The following UST variants were observed in gnomAD, a reference collection of about 807,000 sequenced individuals.
UST encodes chondroitin sulfate 2-O-sulfotransferase.
A neutral mutation model predicts 45.6 loss-of-function variants in UST; 21 were observed. The ratio of observed to expected loss-of-function variants is 0.46; its 90% CI spans 0.33 to 0.66. The LOEUF is 0.66. Ranked by LOEUF, UST falls within the 30% of genes least tolerant of loss-of-function variation. UST has a pLI of 0.02. For synonymous variants in UST, 215 were observed against 200.6 expected, an observed-to-expected ratio of 1.07 and a Z score of -0.61; for missense variants, 463 against 512.4, an observed-to-expected ratio of 0.90 and a Z score of 0.93.
intron 2 of UST, among the ~76,000 whole-genome samples, chr6:148,890,315 G>A (rs2114847971): frequency 6.6e-6 from 1 of 152,264 alleles, no homozygotes; most frequent in East Asian, 1.9e-4. Flanking sequence ...GGGCCTCAGT[G>A]GTTTAGGTCT....
chr6:148,756,277 A>G (rs758583228), intron 1 of UST, among the ~76,000 whole-genome samples: 7 of 152,100 alleles, frequency 4.6e-5, no homozygotes, highest in Non-Finnish European at 2.9e-5. Context: ...CCATGAGAAG[A>G]AGGATGTGTT....
chr6:149,020,224 G>A (rs542996462), intron 6 of UST, among the ~76,000 whole-genome samples: 44 of 152,304 alleles, frequency 2.9e-4, no homozygotes, highest in African/African-American at 1.1e-3. Context: ...TAACAAAAGA[G>A]TTTGCTTATA....
chr6:148,830,460 C>T (rs1279304974), intron 1 of UST, among the ~76,000 whole-genome samples: 2 of 152,148 alleles, frequency 1.3e-5, no homozygotes, highest in Non-Finnish European at 2.9e-5. Context: ...AGGGTCTTGC[C>T]GCATCGTTTC....
At chr6:148,849,844 A>C (rs901657773) in intron 1 of UST, among the ~76,000 whole-genome samples, 3 of 152,280 alleles carry the variant, frequency 2.0e-5, no homozygotes, top group Admixed American at 1.3e-4. Context: ...ACAGAGCCAA[A>C]CCGTATCAGA....
chr6:148,791,308 G>C (rs1427106623), intron 1 of UST, among the ~76,000 whole-genome samples: 1 of 152,094 alleles, frequency 6.6e-6, no homozygotes, highest in East Asian at 1.9e-4. Context: ...GATGAGCATT[G>C]GTCACCAAGA....
intron 1 of UST, among the ~76,000 whole-genome samples, 177 bp downstream of exon 1, chr6:148,747,854 C>A (rs1474199035): frequency 6.6e-6 from 1 of 152,168 alleles, no homozygotes; most frequent in African/African-American, 2.4e-5. Context: ...CTTCCTCCCG[C>A]GCGTCCGACT....
At chr6:148,783,781 C>T (rs145727446) in intron 1 of UST, among the ~76,000 whole-genome samples, 62 of 152,266 alleles carry the variant, frequency 4.1e-4, no homozygotes, top group African/African-American at 1.4e-3. Flanking sequence ...CCTTCTAATT[C>T]CTAGTCTGCC....
rs1382349931 is a variant in UST at position 148,878,499 on chromosome 6, TGTGTATGAGTGCGGGGATC to T, written c.248-8470_248-8452del. On this transcript the variant is annotated intron_variant, in intron 1 of 7. Coordinates refer to ENST00000367463, the MANE Select transcript of UST (RefSeq NM_005715.3). ...GGGTATCGTGTATGAGTACAGGGATTGTGTATGAGTGCGGGGATCGTGTATGAGTGCGGGGGGTCATGTA... is the reference window on the plus strand; with the variant it reads ...GGGTATCGTGTATGAGTACAGGGATTGTGTATGAGTGCGGGGGGTCATGTA... Among the ~76,000 whole-genome samples, 13 of 95,674 alleles carry T rather than the reference TGTGTATGAGTGCGGGGATC, an allele frequency of 1.4e-4. No homozygotes were observed. The East Asian group carries it at 3.0e-3, about 22-fold the overall frequency. 62.8% of individuals were successfully genotyped at this position (95,674 alleles called of 152,430 possible).
chr6:148,954,019 C>T, intron 4 of UST, 68 bp downstream of exon 4: 1 of 1,323,314 alleles, frequency 7.6e-7, no homozygotes, highest in Non-Finnish European at 1.1e-6. Flanking sequence ...AGAAATCTAC[C>T]TTTATTTACA....
At chr6:148,828,654 G>A (rs1469429953) in intron 1 of UST, among the ~76,000 whole-genome samples, 2 of 152,116 alleles carry the variant, frequency 1.3e-5, no homozygotes, top group East Asian at 3.8e-4. Context: ...AGGACTAAAT[G>A]AATTTATGCA....
At chr6:148,910,245 A>G (rs1305416973) in intron 2 of UST, among the ~76,000 whole-genome samples, 1 of 148,678 alleles carries the variant, frequency 6.7e-6, no homozygotes, top group Non-Finnish European at 1.5e-5. Context: ...GGTTCAAACG[A>G]TTCTTCTGCC....
At chr6:148,975,894 A>G (rs914576809) in intron 5 of UST, among the ~76,000 whole-genome samples, 2 of 152,230 alleles carry the variant, frequency 1.3e-5, no homozygotes. Context: ...GGCAAAGCAT[A>G]TAGGCAATGG....
At chr6:148,846,728 T>G (rs1478308073) in intron 1 of UST, among the ~76,000 whole-genome samples, 1 of 152,260 alleles carries the variant, frequency 6.6e-6, no homozygotes, top group Non-Finnish European at 1.5e-5. Context: ...CAGTGTGTGG[T>G]GCAATAAATA....
intron 1 of UST, among the ~76,000 whole-genome samples, chr6:148,786,561 C>CATG (rs2114696710): frequency 6.6e-6 from 1 of 152,312 alleles, no homozygotes; most frequent in African/African-American, 2.4e-5. Context: ...CTGCAAAGGA[C>CATG]ATGATCTCAT....
intron 7 of UST, among the ~76,000 whole-genome samples, chr6:149,044,220 T>C (rs1056354287): frequency 1.3e-5 from 2 of 152,230 alleles, no homozygotes; most frequent in Non-Finnish European, 2.9e-5. Flanking sequence ...ATGAGGGTTT[T>C]GCTAAACATT....
chr6:149,016,805 A>G (rs930686756), intron 5 of UST, among the ~76,000 whole-genome samples: 8 of 152,166 alleles, frequency 5.3e-5, no homozygotes, highest in Non-Finnish European at 1.2e-4. Context: ...ACCTCAGCAG[A>G]TGAACACTGT....
chr6:148,788,651 T>C (rs1249366795), intron 1 of UST, among the ~76,000 whole-genome samples: 2 of 152,184 alleles, frequency 1.3e-5, no homozygotes, highest in African/African-American at 4.8e-5. Flanking sequence ...ACCTATAACG[T>C]GTCTTAAGAG....
At chr6:149,058,637 A>T (rs978229866) in intron 7 of UST, among the ~76,000 whole-genome samples, 1 of 152,240 alleles carries the variant, frequency 6.6e-6, no homozygotes, top group South Asian at 2.1e-4. Context: ...TCTGGCCTTC[A>T]TAATACGATT....
rs202057866 is a variant in UST at position 148,747,575 on chromosome 6, G to A, written c.145G>A (p.Gly49Ser). The A allele has an allele frequency of 1.8e-5, 29 of 1,588,356 alleles. No individual in the cohort carries two copies. In the East Asian group the frequency reaches 6.5e-4, roughly 36 times the overall value. Residue 49 changes from glycine to serine, a missense_variant, in exon 1 of 8, where the codon GGC (glycine) becomes AGC (serine). Around this residue, in one of 2 missense-constraint regions of UST, gnomAD observed 176 missense variants for 138.3 expected, o/e 1.27. Coordinates refer to ENST00000367463, the MANE Select transcript of UST (RefSeq NM_005715.3). ...CCTGCGCTTCTCCCTCCGGGACTACGGCTTCTGCATGGCCACCCTGCTGGT... is the reference window on the plus strand; with the variant it reads ...CCTGCGCTTCTCCCTCCGGGACTACAGCTTCTGCATGGCCACCCTGCTGGT... ...PFLRFSLRDY[G>S]FCMATLLVFC...
Sources: allele counts gnomAD v4.1 joint callset (sites outside exome capture counted in the v4.1 genomes callset), GRCh38; gene constraint gnomAD v4.1.1; regional missense constraint gnomAD v4.1.1; transcripts MANE v1.5; gene names NCBI Gene and HGNC (gene_info 2026-07-23, HGNC 2026-07-21).